Variants in TWIST2 observed in about 807,000 individuals in gnomAD.
The protein encoded by TWIST2 is twist-related protein 2.
A neutral mutation model predicts 11.6 loss-of-function variants in TWIST2; 1 was observed. The observed-to-expected ratio is 0.09, with a 90% CI of 0.03 to 0.41. TWIST2 has a LOEUF of 0.41. TWIST2 is among the 10% of genes least tolerant of loss of function. The probability of loss-of-function intolerance (pLI) is 0.98; values close to 1 mark genes in which losing one functional copy is unlikely to be tolerated. For synonymous variants in TWIST2, 87 were observed against 96.6 expected (o/e 0.90, Z 0.58); for missense variants, 168 against 226.4 (o/e 0.74, Z 1.66).
chr2:238,887,960 G>A (rs917515702), intron 1 of TWIST2, among the ~76,000 whole-genome samples: 11 of 152,284 alleles, frequency 7.2e-5, no homozygotes, highest in Admixed American at 2.0e-4. Context: ...ACCCACGGCC[G>A]CCTCTCGTGT....
intron 1 of TWIST2, among the ~76,000 whole-genome samples, chr2:238,854,625 T>C (rs1692298002): frequency 6.6e-6 from 1 of 152,228 alleles, no homozygotes; most frequent in South Asian, 2.1e-4. Context: ...GTTGAAACTT[T>C]CGTCGTTACT....
At chr2:238,899,870 A>G (rs1441068931) in intron 1 of TWIST2, among the ~76,000 whole-genome samples, 3 of 152,148 alleles carry the variant, frequency 2.0e-5, no homozygotes, top group African/African-American at 7.2e-5. Flanking sequence ...GATGCTGGGT[A>G]TGGGTGGGAG....
At chr2:238,855,518 G>T (rs1262927437) in intron 1 of TWIST2, among the ~76,000 whole-genome samples, 1 of 152,226 alleles carries the variant, frequency 6.6e-6, no homozygotes, top group Non-Finnish European at 1.5e-5. Context: ...TAGATGGGAA[G>T]CTAGGAGAGA....
At chr2:238,862,582 C>T (rs560291725) in intron 1 of TWIST2, among the ~76,000 whole-genome samples, 1 of 152,202 alleles carries the variant, frequency 6.6e-6, no homozygotes, top group South Asian at 2.1e-4. Flanking sequence ...GGGAACCAGG[C>T]CATCCTATTT....
intron 1 of TWIST2, among the ~76,000 whole-genome samples, chr2:238,895,934 G>GC (rs1483919913): frequency 6.6e-6 from 1 of 152,218 alleles, no homozygotes; most frequent in African/African-American, 2.4e-5. Flanking sequence ...AGCACAGTCA[G>GC]CCTGGGTCCC....
At chr2:238,849,330 G>C (rs1413874663) in intron 1 of TWIST2, among the ~76,000 whole-genome samples, 1 of 152,234 alleles carries the variant, frequency 6.6e-6, no homozygotes, top group Non-Finnish European at 1.5e-5. Context: ...TGCGGCTCCA[G>C]GGTTTGCCTG....
chr2:238,859,075 G>A (rs913682289), intron 1 of TWIST2, among the ~76,000 whole-genome samples: 19 of 152,088 alleles, frequency 1.2e-4, no homozygotes, highest in African/African-American at 4.6e-4. Context: ...AGCCGGGTGT[G>A]GTGGCGGGCG....
intron 1 of TWIST2, among the ~76,000 whole-genome samples, chr2:238,898,838 G>A (rs1693236991): frequency 6.6e-6 from 1 of 152,264 alleles, no homozygotes; most frequent in Admixed American, 6.5e-5. Flanking sequence ...GCATCTTGTG[G>A]CCTTTCTGTC....
intron 1 of TWIST2, among the ~76,000 whole-genome samples, chr2:238,896,064 A>G (rs1693203059): frequency 6.6e-6 from 1 of 152,020 alleles, no homozygotes; most frequent in Admixed American, 6.6e-5. Flanking sequence ...CGTTGTAAAT[A>G]TGGTCATTCC....
rs2106355370 is a variant in TWIST2, at chr2:238,866,432, G to A, written c.*35+17699G>A. Among the ~76,000 whole-genome samples, 1 of 152,324 alleles carries A rather than the reference G, an allele frequency of 6.6e-6. No homozygotes were observed. Among genetic ancestry groups the A allele is most frequent in the African/African-American group, 2.4e-5 (1 of 41,584 alleles). On this transcript the variant is annotated intron_variant, in intron 1 of 1. Transcript: ENST00000612363. This position sits in a 1 kb window ranked among gnomAD's most constrained non-coding sequence, Gnocchi z 4.9. ...CTGGCACTTTGGGAGGCTGAGGCAG[G>A]CAGATCACGAGGTCAGGAATTCGAG...
chr2:238,861,268 A>G (rs1041857338), intron 1 of TWIST2, among the ~76,000 whole-genome samples: 1 of 152,178 alleles, frequency 6.6e-6, no homozygotes, highest in Non-Finnish European at 1.5e-5. Context: ...GCTTTGATTC[A>G]TGAGCACGAT....
intron 1 of TWIST2, among the ~76,000 whole-genome samples, chr2:238,855,315 A>T (rs1221895088): frequency 1.3e-5 from 2 of 151,834 alleles, no homozygotes; most frequent in East Asian, 3.9e-4. Flanking sequence ...TCTTTCTCAA[A>T]TCGGGCATCT....
intron 1 of TWIST2, among the ~76,000 whole-genome samples, chr2:238,907,909 AAC>A: frequency 6.9e-6 from 1 of 145,926 alleles, no homozygotes; most frequent in Non-Finnish European, 1.5e-5. Flanking sequence ...CCCACTTACA[AAC>A]ACACACCACC....
chr2:238,864,083 G>GC lies in TWIST2; in HGVS notation c.*35+15350_*35+15351insC, dbSNP rs1404889524. 1.2e-4 allele frequency among the ~76,000 whole-genome samples: 18 copies of GC among 152,132 alleles called. No homozygotes were observed. The highest frequency in any genetic ancestry group is 2.2e-4 in the Non-Finnish European group (15 of 68,042). On this transcript the variant is annotated intron_variant, in intron 1 of 1. Coordinates refer to ENST00000612363, the MANE Select transcript of TWIST2 (RefSeq NM_001271893.4). The surrounding 1 kb of genome is among the most constrained non-coding windows in gnomAD (Gnocchi z 4.7). ...TTCCTTTACACCCTGGGCTACATTT[G>GC]ACGCATATTTCTGGCAAATTCTGGG...
rs1160982029 is a variant in TWIST2 at position 238,902,712 on chromosome 2, GTGTGAT to G, written c.*36-7129_*36-7124del. Among the ~76,000 whole-genome samples, 20 of 139,844 alleles carry G rather than the reference GTGTGAT, an allele frequency of 1.4e-4. 1 individual carries two copies. The East Asian group carries it at 4.6e-3, about 32-fold the overall frequency. 91.7% of individuals were successfully genotyped at this position (139,844 alleles called of 152,430 possible). On this transcript the variant is annotated intron_variant, in intron 1 of 1. Transcript: ENST00000612363. ...ATATGGGGTGTGATGTGTGAGGTGT[GTGTGAT>G]GTGTGTGTGATGTAGTGTGTGTGAT...
At chr2:238,905,145 G>A (rs1351591089) in intron 1 of TWIST2, among the ~76,000 whole-genome samples, 10 of 152,088 alleles carry the variant, frequency 6.6e-5, no homozygotes, top group Admixed American at 5.2e-4. Flanking sequence ...AGCCTTTTCC[G>A]TAATGCTTCT....
At chr2:238,907,715 T>C (rs951571714) in intron 1 of TWIST2, among the ~76,000 whole-genome samples, 2 of 149,678 alleles carry the variant, frequency 1.3e-5, no homozygotes, top group African/African-American at 5.0e-5. Flanking sequence ...ATGCACACAA[T>C]ACACACACAA....
chr2:238,898,122 G>A (rs1016401825), intron 1 of TWIST2, among the ~76,000 whole-genome samples: 20 of 152,210 alleles, frequency 1.3e-4, no homozygotes, highest in South Asian at 4.1e-4. Flanking sequence ...GCTGGCGAAC[G>A]CGGTCTCAGG....
chr2:238,879,198 C>T (rs1392396341), intron 1 of TWIST2, among the ~76,000 whole-genome samples: 1 of 152,100 alleles, frequency 6.6e-6, no homozygotes, highest in Non-Finnish European at 1.5e-5. Context: ...TTACCTAGAC[C>T]CATGTGTCTT....
Sources: gnomAD v4.1 joint callset for allele counts (sites outside exome capture counted in the v4.1 genomes callset) on GRCh38, gnomAD v4.1.1 for gene constraint, Gnocchi (gnomAD v3.1) non-coding constraint, MANE v1.5 for transcripts, NCBI Gene and HGNC (gene_info 2026-07-23, HGNC 2026-07-21) for gene names.